Variants in ZC3H14 observed in about 807,000 individuals in gnomAD.
ZC3H14 encodes the protein zinc finger CCCH domain-containing protein 14.
In ZC3H14, 31 loss-of-function variants were observed where a neutral mutation model predicts 92.4. The observed-to-expected ratio is 0.34, with a 90% CI of 0.25 to 0.45. The LOEUF (loss-of-function observed/expected upper bound fraction) is 0.45, where lower values mean the gene tolerates loss of function less well. Among genes scored for constraint, ZC3H14 ranks in the 20% least tolerant of loss-of-function variants. The probability of loss-of-function intolerance (pLI) is 1.00; values close to 1 mark genes in which losing one functional copy is unlikely to be tolerated. For missense variants in ZC3H14, 781 were observed against 897.3 expected (o/e 0.87, Z 1.66); for synonymous variants, 321 against 300.9 (o/e 1.07, Z -0.69).
At chr14:88,563,832 G>A in intron 2 of ZC3H14, 139 bp downstream of exon 2, 2 of 826,708 alleles carry the variant, frequency 2.4e-6, no homozygotes, top group Non-Finnish European at 4.0e-6. Context: ...ATACTCCCTG[G>A]TTACTTCTTT....
intron 9 of ZC3H14, among the ~76,000 whole-genome samples, chr14:88,582,800 T>G (rs2082055977): frequency 2.0e-5 from 3 of 152,204 alleles, no homozygotes; most frequent in African/African-American, 7.2e-5. Context: ...TGCAAGCAAC[T>G]GTTATCTGTT....
intron 9 of ZC3H14, chr14:88,586,651 A>G (rs1025637343): frequency 6.6e-6 from 1 of 152,154 alleles, no homozygotes; most frequent in Non-Finnish European, 1.5e-5. Context: ...CGATGTGTCT[A>G]GGCGTGGATT....
rs1200888024 is a variant in ZC3H14, at chr14:88,612,766, C to A, written c.*1015C>A. 2.0e-5 allele frequency: 3 copies of A among 152,396 alleles called. No homozygotes were observed. Among genetic ancestry groups the A allele is most frequent in the African/African-American group, 7.3e-5 (3 of 41,340 alleles). 9.4% of individuals were successfully genotyped at this position (152,396 alleles called of 1,614,324 possible). ...AAGATAGATAGGATGAAACTTTTGG[C>A]CTACTGTATTACTTACAGAGTTTTT... On this transcript the variant is annotated 3_prime_UTR_variant, in exon 17 of 17. Transcript: ENST00000251038.
Position 88,625,109 on chromosome 14 carries a change from C to G in ZC3H14, c.*13358C>G. On this transcript the variant is annotated 3_prime_UTR_variant, in exon 17 of 17. Coordinates refer to ENST00000251038, the MANE Select transcript of ZC3H14 (RefSeq NM_024824.5). ...ACACAGACATCACCACTGATGGTAC[C>G]TGTAAACGTCAAGTTATTCTGAAAA... The G allele has an allele frequency of 6.2e-7, 1 of 1,613,678 alleles. No homozygotes were observed. The highest frequency in any genetic ancestry group is 8.5e-7 in the Non-Finnish European group (1 of 1,179,802).
intron 9 of ZC3H14, among the ~76,000 whole-genome samples, chr14:88,593,670 C>T (rs979730624): frequency 6.6e-6 from 1 of 151,994 alleles, no homozygotes; most frequent in African/African-American, 2.4e-5. Context: ...ACTGAATATC[C>T]ACATGAAAAG....
Position 88,627,322 on chromosome 14 carries a change from GA to G in ZC3H14, c.*15574del. ...TCCTGCTGATCTGCCATTATCATTA[GA>G]AATATACATAATTTTCATAAGAATC... On this transcript the variant is annotated 3_prime_UTR_variant, in exon 17 of 17. Transcript: ENST00000251038. The G allele has an allele frequency of 2.1e-6, 1 of 469,576 alleles. No individual in the cohort carries two copies. Among genetic ancestry groups the G allele is most frequent in the African/African-American group, 1.9e-5 (1 of 51,732 alleles). 29.1% of individuals were successfully genotyped at this position (469,576 alleles called of 1,614,324 possible).
intron 10 of ZC3H14, among the ~76,000 whole-genome samples, chr14:88,598,763 G>C (rs1438547142): frequency 1.4e-5 from 2 of 145,064 alleles, no homozygotes; most frequent in Admixed American, 6.8e-5. Flanking sequence ...TCAGTGTAGA[G>C]GTCGGGATTG....
At chr14:88,575,725 T>C (rs1317685490) in intron 7 of ZC3H14, 115 bp from the exon 8 acceptor site, 4 of 810,362 alleles carry the variant, frequency 4.9e-6, no homozygotes, top group Non-Finnish European at 7.8e-6. Context: ...TTCTAAAAAC[T>C]GCAGCTAGTC....
chr14:88,575,046 C>T lies in ZC3H14; in HGVS notation c.1022+193C>T, dbSNP rs550005519. 1.3e-3 allele frequency among the ~76,000 whole-genome samples: 199 copies of T among 152,322 alleles called. 1 individual carries two copies. Among genetic ancestry groups the T allele is most frequent in the African/African-American group, 4.3e-3 (179 of 41,570 alleles). ...CTGCCTCCCAGGTTCAAGTGATTCT[C>T]CTGATTGAGCCTCCTGAATAGCTGG... On this transcript the variant is annotated intron_variant, in intron 7 of 16. Transcript: ENST00000251038.
chr14:88,578,015 C>T lies in ZC3H14; in HGVS notation c.1154C>T (p.Pro385Leu). Reference sequence around the variant, plus strand: ...CAGAAACAGACACTTCCAGTTGCTCCCAGAACTCGAACTTCTCAAGAAGAA... The same window carrying T: ...CAGAAACAGACACTTCCAGTTGCTCTCAGAACTCGAACTTCTCAAGAAGAA... Reference protein sequence around the residue: ...VPQKQTLPVAPRTRTSQEELL... With the variant: ...VPQKQTLPVALRTRTSQEELL... The change falls in exon 9 of 17, where the codon CCC becomes CTC. Residue 385 changes from proline (P) to leucine (L), a missense_variant. This residue lies in a region of ZC3H14 where 454 missense variants were observed against 438.5 expected (regional missense o/e 1.04). Coordinates refer to ENST00000251038, the MANE Select transcript of ZC3H14 (RefSeq NM_024824.5). 1 of 1,614,032 alleles carries T rather than the reference C, an allele frequency of 6.2e-7. No individual in the cohort carries two copies. Among genetic ancestry groups the T allele is most frequent in the Non-Finnish European group, 8.5e-7 (1 of 1,180,004 alleles).
chr14:88,623,149 A>C lies in ZC3H14; in HGVS notation c.*11398A>C, dbSNP rs1213507809. On this transcript the variant is annotated 3_prime_UTR_variant, in exon 17 of 17. Coordinates refer to ENST00000251038, the MANE Select transcript of ZC3H14 (RefSeq NM_024824.5). ...TCCTACCTCAGCCTCCCGAGTAGCTAGCATTACAGGTGTGCACCACCACAC... is the reference window on the plus strand; with the variant it reads ...TCCTACCTCAGCCTCCCGAGTAGCTCGCATTACAGGTGTGCACCACCACAC... 1 of 147,448 alleles carries C rather than the reference A, an allele frequency of 6.8e-6. No individual in the cohort carries two copies. The highest frequency in any genetic ancestry group is 2.5e-5 in the African/African-American group (1 of 39,648). 9.1% of individuals were successfully genotyped at this position (147,448 alleles called of 1,614,324 possible).
At chr14:88,576,001 G>GA in intron 8 of ZC3H14, 61 bp downstream of exon 8, 1 of 1,368,204 alleles carries the variant, frequency 7.3e-7, no homozygotes. Flanking sequence ...TGAGTAAGGT[G>GA]AAAATGATTG....
intron 3 of ZC3H14, 114 bp from the exon 4 acceptor site, chr14:88,570,970 A>G: frequency 1.2e-6 from 1 of 822,534 alleles, no homozygotes; most frequent in Non-Finnish European, 1.7e-6. Flanking sequence ...TAATAAAAAT[A>G]TAAAAAAATT....
intron 9 of ZC3H14, among the ~76,000 whole-genome samples, chr14:88,585,445 C>T (rs1375854263): frequency 5.3e-5 from 8 of 150,624 alleles, no homozygotes; most frequent in African/African-American, 9.8e-5. Context: ...AGCGCGATCT[C>T]GGCTCACCGC....
chr14:88,564,481 T>G (rs948901180), intron 2 of ZC3H14, among the ~76,000 whole-genome samples: 1 of 152,224 alleles, frequency 6.6e-6, no homozygotes, highest in African/African-American at 2.4e-5. Flanking sequence ...TGGTGCCTCC[T>G]ATAAAAATAA....
At chr14:88,588,873 T>C (rs1014876424) in intron 9 of ZC3H14, among the ~76,000 whole-genome samples, 1 of 152,220 alleles carries the variant, frequency 6.6e-6, no homozygotes, top group African/African-American at 2.4e-5. Flanking sequence ...TACTGAACAT[T>C]TTAAAAATGT....
At chr14:88,576,064 G>A in intron 8 of ZC3H14, 124 bp downstream of exon 8, 1 of 832,110 alleles carries the variant, frequency 1.2e-6, no homozygotes, top group East Asian at 2.7e-5. Flanking sequence ...CCAAGATGAG[G>A]TTCCCATATA....
intron 10 of ZC3H14, among the ~76,000 whole-genome samples, chr14:88,597,295 T>A (rs1266624104): frequency 1.3e-5 from 2 of 152,192 alleles, no homozygotes; most frequent in Non-Finnish European, 2.9e-5. Context: ...CAGACACACA[T>A]GCCAGGGGCT....
chr14:88,579,388 T>C (rs1463034317), intron 9 of ZC3H14, among the ~76,000 whole-genome samples: 1 of 152,050 alleles, frequency 6.6e-6, no homozygotes, highest in African/African-American at 2.4e-5. Flanking sequence ...ATGGGCCAAA[T>C]TGAGAAGAGG....
Sources: allele counts gnomAD v4.1 joint callset (sites outside exome capture counted in the v4.1 genomes callset), GRCh38; gene constraint gnomAD v4.1.1; regional missense constraint gnomAD v4.1.1; transcripts MANE v1.5; gene names NCBI Gene and HGNC (gene_info 2026-07-23, HGNC 2026-07-21).